ARSG: variants seen among roughly 807,000 people sequenced by gnomAD.
ARSG encodes arylsulfatase G, also known as ASG.
Under a neutral mutation model 50.5 loss-of-function variants are expected in ARSG, and 37 were observed. The observed-to-expected ratio is 0.73, with a 90% CI of 0.56 to 0.96. The LOEUF (loss-of-function observed/expected upper bound fraction) is 0.96, where lower values mean the gene tolerates loss of function less well. ARSG is among the 50% of genes least tolerant of loss of function. The pLI is 0.00. For missense variants in ARSG, 629 were observed against 675.3 expected, an observed-to-expected ratio of 0.93 and a Z score of 0.76; for synonymous variants, 225 against 254.6, an observed-to-expected ratio of 0.88 and a Z score of 1.11.
At chr17:68,394,445 AT>A (rs1382895178) in intron 9 of ARSG, among the ~76,000 whole-genome samples, 1 of 152,082 alleles carries the variant, frequency 6.6e-6, no homozygotes, top group African/African-American at 2.4e-5. Flanking sequence ...CTACAAAAAA[AT>A]AAATAAATAA....
At chr17:68,431,271 C>T in the ARSG span, among the ~76,000 whole-genome samples, 5 of 152,286 alleles carry the variant, frequency 3.3e-5, no homozygotes, top group East Asian at 9.7e-4. Context: ...GGTTCCTTAA[C>T]GTTTCCGTGT....
At chr17:68,331,237 C>CTTTCTTTTTCTTTG (rs1555774222) in intron 2 of ARSG, among the ~76,000 whole-genome samples, 1 of 72,792 alleles carries the variant, frequency 1.4e-5, no homozygotes, top group African/African-American at 5.2e-5. Flanking sequence ...TTCTTTGTTT[C>CTTTCTTTTTCTTTG]TTTCTTTCTT....
chr17:68,321,183 A>G (rs535130435), intron 2 of ARSG, among the ~76,000 whole-genome samples: 1 of 152,180 alleles, frequency 6.6e-6, no homozygotes, highest in Non-Finnish European at 1.5e-5. Context: ...CCCATCTCAA[A>G]AAAAGGAGAA....
chr17:68,267,716 C>T (rs2075200878), intron 1 of ARSG: 1 of 151,616 alleles, frequency 6.6e-6, no homozygotes, highest in Admixed American at 6.6e-5. Flanking sequence ...AAACTGCTAA[C>T]GTGAGCAATA....
chr17:68,370,480 C>T lies in ARSG; in HGVS notation c.938C>T (p.Ala313Val), dbSNP rs374175059. The change falls in exon 8 of 12, where the codon GCG (alanine) becomes GTG (valine). Residue 313 changes from alanine to valine, a missense_variant. Ala to Val is a moderately conservative substitution (Grantham distance 64). Transcript: ENST00000621439. Reference sequence around the variant, plus strand: ...CCGTGGGCTCAGAAGTGTGAGCTAGCGGGCAGTGTGGGTCCCTTCACTGGA... The same window carrying T: ...CCGTGGGCTCAGAAGTGTGAGCTAGTGGGCAGTGTGGGTCCCTTCACTGGA... Reference protein sequence around the residue: ...NGPWAQKCELAGSVGPFTGFW... With the variant: ...NGPWAQKCELVGSVGPFTGFW... 7.4e-6 allele frequency: 12 copies of T among 1,613,976 alleles called. No homozygotes were observed. The highest frequency in any genetic ancestry group is 2.2e-5 in the East Asian group (1 of 44,870).
intron 2 of ARSG, among the ~76,000 whole-genome samples, chr17:68,336,943 A>T (rs2078049837): frequency 6.6e-6 from 1 of 152,212 alleles, no homozygotes. Flanking sequence ...TGACAGGAAG[A>T]TCAGGCTCCT....
chr17:68,266,202 G>A (rs148927821), intron 1 of ARSG, among the ~76,000 whole-genome samples: 2 of 151,932 alleles, frequency 1.3e-5, no homozygotes, highest in African/African-American at 4.8e-5. Context: ...ATTCTTAGAT[G>A]AAAATATGCT....
Position 68,415,794 on chromosome 17 carries a change from C to A in ARSG, c.1304-4395C>A, listed in dbSNP as rs117510407. On this transcript the variant is annotated intron_variant, in intron 11 of 11. Transcript: ENST00000621439. ...TAATGTCTCTGTCTTTTTTAACTGCCGTTGCTTTAAAGTTGGTTTTGTCTG... is the reference window on the plus strand; with the variant it reads ...TAATGTCTCTGTCTTTTTTAACTGCAGTTGCTTTAAAGTTGGTTTTGTCTG... Among the ~76,000 whole-genome samples, 436 of 152,160 alleles carry A rather than the reference C, an allele frequency of 2.9e-3. 1 individual carries two copies. The highest frequency in any genetic ancestry group is 0.01 in the African/African-American group (427 of 41,522).
chr17:68,330,520 A>G (rs535948754), intron 2 of ARSG, among the ~76,000 whole-genome samples: 2 of 152,170 alleles, frequency 1.3e-5, no homozygotes, highest in African/African-American at 4.8e-5. Context: ...CATGCTAATA[A>G]TTTAGCTGTG....
chr17:68,436,670 G>T, the ARSG span, among the ~76,000 whole-genome samples: 1 of 152,186 alleles, frequency 6.6e-6, no homozygotes, highest in Non-Finnish European at 1.5e-5. Context: ...CACAGGGGAA[G>T]ACCTCCTGAT....
chr17:68,333,644 A>AAT (rs2077883680), intron 2 of ARSG, among the ~76,000 whole-genome samples: 1 of 127,488 alleles, frequency 7.8e-6, no homozygotes, highest in African/African-American at 3.4e-5. Flanking sequence ...TAATAATAAT[A>AAT]ATAATAATAA....
the ARSG span, among the ~76,000 whole-genome samples, chr17:68,437,988 T>C: frequency 1.4e-5 from 2 of 142,892 alleles, no homozygotes; most frequent in Non-Finnish European, 3.0e-5. Flanking sequence ...CTGGCGTCTA[T>C]TACAAGTTAG....
chr17:68,264,562 C>T (rs1284968137), intron 1 of ARSG, among the ~76,000 whole-genome samples: 2 of 151,824 alleles, frequency 1.3e-5, no homozygotes, highest in Non-Finnish European at 2.9e-5. Flanking sequence ...GTCAGCCTCC[C>T]GAGTAGCTGG....
rs114620204 is a variant in ARSG, at chr17:68,315,859, G to A, written c.218+8148G>A. Among the ~76,000 whole-genome samples the A allele has an allele frequency of 5.0e-3, 755 of 152,060 alleles. 2 individuals are homozygous for A. The highest frequency in any genetic ancestry group is 0.017 in the African/African-American group (709 of 41,488). On this transcript the variant is annotated intron_variant, in intron 2 of 11. Transcript: ENST00000621439. ...TGTTGGCCAGGCTGATCTTGAACTCGACCTCAGGTGATCCACCTGCCTCGG... is the reference window on the plus strand; with the variant it reads ...TGTTGGCCAGGCTGATCTTGAACTCAACCTCAGGTGATCCACCTGCCTCGG...
chr17:68,368,469 A>C (rs1173558323), intron 6 of ARSG, 79 bp from the exon 7 acceptor site: 2 of 1,345,006 alleles, frequency 1.5e-6, no homozygotes, highest in Non-Finnish European at 2.1e-6. Flanking sequence ...ATTTTCCTGG[A>C]GGAGAGGGAG....
At chr17:68,313,681 C>CT (rs10660116) in intron 2 of ARSG, among the ~76,000 whole-genome samples, 14,272 of 123,106 alleles carry the variant, frequency 0.12, 2,798 homozygotes, top group African/African-American at 0.39. Flanking sequence ...CTCTCTCTCT[C>CT]TCTTTTTTTT....
At chr17:68,338,439 C>A (rs928676471) in intron 2 of ARSG, among the ~76,000 whole-genome samples, 3 of 152,174 alleles carry the variant, frequency 2.0e-5, no homozygotes, top group Non-Finnish European at 4.4e-5. Flanking sequence ...CCCTTCCCTT[C>A]AACTTTCAAG....
chr17:68,284,598 C>G (rs868948676), intron 1 of ARSG, among the ~76,000 whole-genome samples: 93 of 152,276 alleles, frequency 6.1e-4, no homozygotes, highest in African/African-American at 2.0e-3. Flanking sequence ...ACAACCTCAT[C>G]TATCCAACAG....
At position 68,271,172 on chromosome 17, in the gene ARSG, C is replaced by T; in HGVS notation, c.-552+11746C>T. On this transcript the variant is annotated intron_variant, in intron 1 of 11. Transcript: ENST00000448504. The surrounding 1 kb of genome is among the most constrained non-coding windows in gnomAD (Gnocchi z 5.3). ...ATGGCCATCGTAGATAATAAAAAAGCAGCGCGGTCCTGGTCAATGCCCAGA... is the reference window on the plus strand; with the variant it reads ...ATGGCCATCGTAGATAATAAAAAAGTAGCGCGGTCCTGGTCAATGCCCAGA... The T allele has an allele frequency of 6.2e-7, 1 of 1,614,050 alleles. No homozygotes were observed.
Sources: allele counts gnomAD v4.1 joint callset (sites outside exome capture counted in the v4.1 genomes callset), GRCh38; gene constraint gnomAD v4.1.1; non-coding constraint Gnocchi (gnomAD v3.1); transcripts MANE v1.5; gene names NCBI Gene and HGNC (gene_info 2026-07-23, HGNC 2026-07-21).